The following TUBB6 variants were observed in gnomAD, a reference collection of about 807,000 sequenced individuals.
TUBB6 encodes the protein tubulin beta-6 chain.
Under a neutral mutation model 32.3 loss-of-function variants are expected in TUBB6, and 18 were observed. That is an observed-to-expected ratio of 0.56 (90% confidence interval 0.39 to 0.83). TUBB6 has a LOEUF of 0.83. Among genes scored for constraint, TUBB6 ranks in the 40% least tolerant of loss-of-function variants. TUBB6 has a pLI of 0.00. For missense variants in TUBB6, 480 were observed against 632.0 expected (o/e 0.76, Z 2.58); for synonymous variants, 280 against 265.8 (o/e 1.05, Z -0.52).
chr18:12,325,236 G>A lies in TUBB6; in HGVS notation c.447G>A (p.Thr149=), dbSNP rs754393310. The A allele has an allele frequency of 2.6e-5, 42 of 1,614,086 alleles. No individual in the cohort carries two copies. In the South Asian group the frequency reaches 3.0e-4, roughly 11 times the overall value. ...GCGGCACGGGCTCAGGCATGGGCACGCTGCTCATCAGCAAGATCCGTGAGG... is the reference window on the plus strand; with the variant it reads ...GCGGCACGGGCTCAGGCATGGGCACACTGCTCATCAGCAAGATCCGTGAGG... ...LGGGTGSGMG[T]LLISKIREEF... Residue 149 remains threonine, a synonymous_variant, in exon 4 of 4, where the codon ACG becomes ACA. Coordinates refer to ENST00000317702, the MANE Select transcript of TUBB6 (RefSeq NM_032525.3).
intron 2 of TUBB6, among the ~76,000 whole-genome samples, 168 bp downstream of exon 2, chr18:12,308,963 TC>T (rs1179091779): frequency 6.6e-6 from 1 of 152,196 alleles, no homozygotes; most frequent in Non-Finnish European, 1.5e-5. Context: ...GTCAGTTTAT[TC>T]AAACAGCTCG....
Position 12,325,897 on chromosome 18 carries a change from A to G in TUBB6, c.1108A>G (p.Asn370Asp). ...GAAGATGGCCTCCACCTTCATCGGC[A>G]ACAGCACGGCCATCCAGGAGCTGTT... ...GLKMASTFIG[N>D]STAIQELFKR... The change falls in exon 4 of 4, where the codon AAC becomes GAC. Residue 370 changes from asparagine to aspartate, a missense_variant. Physicochemically the swap from Asn to Asp is conservative, Grantham distance 23. Coordinates refer to ENST00000317702, the MANE Select transcript of TUBB6 (RefSeq NM_032525.3). 6.2e-7 allele frequency: 1 copy of G among 1,614,116 alleles called. No homozygotes were observed. Among genetic ancestry groups the G allele is most frequent in the Non-Finnish European group, 8.5e-7 (1 of 1,180,048 alleles).
At position 12,308,705 on chromosome 18, in the gene TUBB6, G is replaced by T. The variant is rs750006440; in HGVS notation, c.76G>T (p.Asp26Tyr). Residue 26 changes from aspartate to tyrosine, a missense_variant, in exon 2 of 4, where the codon GAT becomes TAT. Transcript: ENST00000317702. Reference protein sequence around the residue: ...IGTKFWEVISDEHGIDPAGGY... With the variant: ...IGTKFWEVISYEHGIDPAGGY... ...GCCCAAGTTTTGGGAAGTGATCAGCGATGAGCACGGCATCGACCCGGCCGG... is the reference window on the plus strand; with the variant it reads ...GCCCAAGTTTTGGGAAGTGATCAGCTATGAGCACGGCATCGACCCGGCCGG... 1.9e-6 allele frequency: 3 copies of T among 1,612,420 alleles called. No individual in the cohort carries two copies. Among genetic ancestry groups the T allele is most frequent in the Non-Finnish European group, 2.5e-6 (3 of 1,178,808 alleles).
intron 2 of TUBB6, 66 bp downstream of exon 2, chr18:12,308,861 T>C: frequency 9.3e-7 from 1 of 1,076,320 alleles, no homozygotes; most frequent in Non-Finnish European, 1.4e-6. Context: ...CGCCGCCTCT[T>C]AGCGCGGCGA....
chr18:12,311,260 T>C (rs1181336582), intron 3 of TUBB6: 7 of 431,408 alleles, frequency 1.6e-5, no homozygotes, highest in Non-Finnish European at 2.5e-5. Context: ...AAGGAACCTC[T>C]ATATCTCTAA....
chr18:12,314,744 CAG>C (rs1185265130), intron 3 of TUBB6, among the ~76,000 whole-genome samples: 2 of 152,292 alleles, frequency 1.3e-5, no homozygotes, highest in Non-Finnish European at 2.9e-5. Flanking sequence ...GTTTACAACA[CAG>C]AGTCAACTGT....
intron 3 of TUBB6, 99 bp from the exon 4 acceptor site, chr18:12,324,968 A>G: frequency 6.6e-7 from 1 of 1,509,610 alleles, no homozygotes; most frequent in Non-Finnish European, 8.8e-7. Flanking sequence ...GGCTAACAGC[A>G]CATCATGGAA....
At chr18:12,313,310 G>A (rs1415927846) in intron 3 of TUBB6, among the ~76,000 whole-genome samples, 2 of 152,226 alleles carry the variant, frequency 1.3e-5, no homozygotes, top group Non-Finnish European at 2.9e-5. Flanking sequence ...TTGATGAAAT[G>A]ATTCTCTTGG....
chr18:12,329,694 G>T, downstream of TUBB6: 1 of 1,614,154 alleles, frequency 6.2e-7, no homozygotes, highest in Non-Finnish European at 8.5e-7. Context: ...ATTCTTCATA[G>T]GTAGATTTTT....
At chr18:12,319,694 C>T (rs1906877308) in intron 3 of TUBB6, among the ~76,000 whole-genome samples, 1 of 152,168 alleles carries the variant, frequency 6.6e-6, no homozygotes, top group Non-Finnish European at 1.5e-5. Flanking sequence ...GCGTTCACAC[C>T]TGCCATCCCA....
chr18:12,308,221 G>A, upstream of TUBB6: 2 of 1,181,244 alleles, frequency 1.7e-6, no homozygotes, highest in South Asian at 2.5e-5. Flanking sequence ...TCGGCCCCGG[G>A]ACGCGCGCAG....
Position 12,308,399 on chromosome 18 carries a change from C to T in TUBB6, c.57+50C>T, listed in dbSNP as rs1489118973. 3.9e-6 allele frequency: 5 copies of T among 1,281,538 alleles called. No homozygotes were observed. In the South Asian group the frequency reaches 6.9e-5, roughly 18 times the overall value. 79.4% of individuals were successfully genotyped at this position (1,281,538 alleles called of 1,614,324 possible). On this transcript the variant is annotated intron_variant, in intron 1 of 3. Coordinates refer to ENST00000317702, the MANE Select transcript of TUBB6 (RefSeq NM_032525.3). ...TCTCCGCGGGTCGGCTGCTGGCGGG[C>T]CCCGGGTCTCCCGGCGCGACCCCCG...
chr18:12,325,784 C>T lies in TUBB6; in HGVS notation c.995C>T (p.Ala332Val). 1 of 1,614,240 alleles carries T rather than the reference C, an allele frequency of 6.2e-7. No individual in the cohort carries two copies. Among genetic ancestry groups the T allele is most frequent in the Non-Finnish European group, 8.5e-7 (1 of 1,180,044 alleles). ...AAGGAGGTGGACGAGCAGATGCTGG[C>T]CATCCAGAGTAAGAACAGCAGCTAC... ...SMKEVDEQMLAIQSKNSSYFV... is the reference protein window; with the variant it reads ...SMKEVDEQMLVIQSKNSSYFV... The change falls in exon 4 of 4, where the codon GCC (alanine) becomes GTC (valine). Residue 332 changes from alanine (A) to valine (V), a missense_variant. By Grantham distance (64) the Ala-to-Val change is moderately conservative. Transcript: ENST00000317702.
Position 12,325,628 on chromosome 18 carries a change from A to C in TUBB6, c.839A>C (p.Gln280Pro), listed in dbSNP as rs1166005598. The C allele has an allele frequency of 6.2e-7, 1 of 1,613,890 alleles. No homozygotes were observed. Residue 280 changes from glutamine to proline, a missense_variant, in exon 4 of 4, where the codon CAG becomes CCG. Gln to Pro is a moderately conservative substitution (Grantham distance 76). Transcript: ENST00000317702. ...FAPLTSRGSQ[Q>P]YRALTVPELT... is the part of the protein sequence containing the mutation. ...CCGCTCACCAGCCGCGGCAGCCAGC[A>C]GTACCGGGCCCTGACCGTGCCCGAG... is the stretch of plus-strand genomic sequence containing the variant.
intron 3 of TUBB6, among the ~76,000 whole-genome samples, chr18:12,320,120 C>G (rs1906908400): frequency 6.6e-6 from 1 of 151,918 alleles, no homozygotes; most frequent in African/African-American, 2.4e-5. Flanking sequence ...CCCAGCTACT[C>G]AGGAGGCTGA....
intron 2 of TUBB6, among the ~76,000 whole-genome samples, chr18:12,309,437 G>T (rs1906235729): frequency 7.1e-6 from 1 of 140,826 alleles, no homozygotes; most frequent in African/African-American, 2.7e-5. Flanking sequence ...ATCTCTTATT[G>T]GGGATTCTTG....
Position 12,319,712 on chromosome 18 carries a change from G to A in TUBB6, c.278-5355G>A, listed in dbSNP as rs570408592. On this transcript the variant is annotated intron_variant, in intron 3 of 3. Coordinates refer to ENST00000317702, the MANE Select transcript of TUBB6 (RefSeq NM_032525.3). ...TTCACACCTGCCATCCCAGCACTTTGGGAGGCCAAGACAGGATGATCACTT... is the reference window on the plus strand; with the variant it reads ...TTCACACCTGCCATCCCAGCACTTTAGGAGGCCAAGACAGGATGATCACTT... Among the ~76,000 whole-genome samples, 4 of 152,198 alleles carry A rather than the reference G, an allele frequency of 2.6e-5. No individual in the cohort carries two copies. The East Asian group carries it at 7.7e-4, about 29-fold the overall frequency.
intron 3 of TUBB6, among the ~76,000 whole-genome samples, chr18:12,321,817 A>G (rs943006209): frequency 1.3e-5 from 2 of 152,270 alleles, no homozygotes; most frequent in Non-Finnish European, 2.9e-5. Flanking sequence ...AAGTCATATT[A>G]GAAATTAGTA....
At position 12,317,461 on chromosome 18, in the gene TUBB6, C is replaced by T. The variant is rs957618642; in HGVS notation, c.277+6408C>T. Among the ~76,000 whole-genome samples, 115 of 100,834 alleles carry T rather than the reference C, an allele frequency of 1.1e-3. 1 individual carries two copies. Among genetic ancestry groups the T allele is most frequent in the African/African-American group, 3.2e-3 (111 of 34,658 alleles). 66.2% of individuals were successfully genotyped at this position (100,834 alleles called of 152,430 possible). A position where few individuals can be genotyped will look rare whatever the true frequency, so the allele number is the denominator to read the frequency against. On this transcript the variant is annotated intron_variant, in intron 3 of 3. Transcript: ENST00000317702. ...CCAGCCTGGGCGACAGAGCAAGACC[C>T]TGTCTCAAAAAAAAGAAAAGAAAAA...
Sources: gnomAD v4.1 joint callset for allele counts (sites outside exome capture counted in the v4.1 genomes callset) on GRCh38, gnomAD v4.1.1 for gene constraint, MANE v1.5 for transcripts, NCBI Gene and HGNC (gene_info 2026-07-23, HGNC 2026-07-21) for gene names.